Variants in DPYD observed in about 807,000 individuals in gnomAD.
The protein encoded by DPYD is dihydropyrimidine dehydrogenase.
In DPYD, 109 loss-of-function variants were observed where a neutral mutation model predicts 116.2. That is an observed-to-expected ratio of 0.94 (90% CI 0.80 to 1.10). The LOEUF (loss-of-function observed/expected upper bound fraction) is 1.10. Among genes scored for constraint, DPYD ranks in the 50% least tolerant of loss-of-function variants. DPYD has a pLI of 0.00. For missense variants in DPYD, 1,302 were observed against 1,254.5 expected (o/e 1.04, Z -0.57); for synonymous variants, 440 against 432.0 (o/e 1.02, Z -0.23).
At chr1:97,096,743 C>T (rs915924055) in intron 21 of DPYD, among the ~76,000 whole-genome samples, 2 of 152,114 alleles carry the variant, frequency 1.3e-5, no homozygotes, top group African/African-American at 4.8e-5. Context: ...AGGACAAAAA[C>T]AGAATATGGG....
chr1:97,647,071 T>C (rs565890881), intron 8 of DPYD, among the ~76,000 whole-genome samples: 40 of 152,226 alleles, frequency 2.6e-4, no homozygotes, highest in African/African-American at 9.6e-4. Context: ...CTGTAGTTAT[T>C]GCCTGATTTC....
chr1:97,720,102 G>A, intron 5 of DPYD: 1 of 984,908 alleles, frequency 1.0e-6, no homozygotes, highest in East Asian at 1.1e-4. Context: ...TTAAAACCAT[G>A]TGAGAGTTTC....
intron 16 of DPYD, among the ~76,000 whole-genome samples, chr1:97,351,948 C>T (rs1670167679): frequency 1.3e-5 from 2 of 152,092 alleles, no homozygotes; most frequent in Admixed American, 1.3e-4. Context: ...TCAGCTACTG[C>T]AAGTATTACA....
intron 19 of DPYD, among the ~76,000 whole-genome samples, chr1:97,214,245 T>G (rs1464087002): frequency 6.6e-6 from 1 of 152,154 alleles, no homozygotes; most frequent in East Asian, 1.9e-4. Context: ...GGTTATGATA[T>G]GGTAAAACTA....
intron 2 of DPYD, among the ~76,000 whole-genome samples, chr1:97,832,045 T>TTGTGTGTGTGTG (rs35795641): frequency 0.024 from 3,251 of 133,952 alleles, 69 homozygotes; most frequent in East Asian, 0.05. Context: ...ATATAATGTA[T>TTGTGTGTGTGTG]TGTGTGTGTG....
intron 20 of DPYD, among the ~76,000 whole-genome samples, chr1:97,113,854 T>A (rs1450275101): frequency 2.6e-5 from 4 of 152,120 alleles, no homozygotes; most frequent in Non-Finnish European, 5.9e-5. Flanking sequence ...CTTGACGATA[T>A]AATCAATTGT....
chr1:97,533,091 GT>G (rs1394520681), intron 12 of DPYD, among the ~76,000 whole-genome samples: 1 of 151,086 alleles, frequency 6.6e-6, no homozygotes, highest in African/African-American at 2.4e-5. Context: ...TTGTGTTTTT[GT>G]TTTAGTTTGT....
intron 3 of DPYD, among the ~76,000 whole-genome samples, chr1:97,751,454 GTGTGTGTA>G (rs1264619273): frequency 7.5e-4 from 22 of 29,406 alleles, no homozygotes; most frequent in African/African-American, 2.2e-3. Flanking sequence ...GTGTGTGTGT[GTGTGTGTA>G]TATATATATA....
chr1:97,873,906 G>C (rs889555993), intron 2 of DPYD, among the ~76,000 whole-genome samples: 1 of 151,776 alleles, frequency 6.6e-6, no homozygotes, highest in African/African-American at 2.4e-5. Context: ...ACATTCTCGT[G>C]GGGAGAAAAT....
At chr1:97,332,876 C>A (rs1395065057) in intron 16 of DPYD, among the ~76,000 whole-genome samples, 1 of 152,114 alleles carries the variant, frequency 6.6e-6, no homozygotes, top group African/African-American at 2.4e-5. Context: ...ATATGTAATT[C>A]TGTAAGAAAC....
At chr1:97,327,914 C>A (rs1668788627) in intron 16 of DPYD, among the ~76,000 whole-genome samples, 1 of 152,028 alleles carries the variant, frequency 6.6e-6, no homozygotes, top group Non-Finnish European at 1.5e-5. Flanking sequence ...TTACAAAAAG[C>A]AAATACATAA....
intron 10 of DPYD, among the ~76,000 whole-genome samples, chr1:97,589,478 G>T (rs1325414275): frequency 1.3e-5 from 2 of 152,174 alleles, no homozygotes; most frequent in African/African-American, 4.8e-5. Flanking sequence ...TGAAGAAGGT[G>T]CCTTGCTTTC....
At chr1:97,883,224 G>C (rs760604150) in intron 2 of DPYD, 40 bp downstream of exon 2, 3 of 1,376,248 alleles carry the variant, frequency 2.2e-6, no homozygotes, top group South Asian at 2.3e-5. Context: ...TGTGGAGTGA[G>C]GTAATTTTCA....
intron 1 of DPYD, 25 bp downstream of exon 1, chr1:97,920,859 C>A: frequency 1.3e-6 from 2 of 1,583,748 alleles, no homozygotes; most frequent in Non-Finnish European, 1.7e-6. Flanking sequence ...CCGCCACCAC[C>A]GACGAGCCGG....
At chr1:97,234,451 G>A (rs1262316175) in intron 19 of DPYD, among the ~76,000 whole-genome samples, 4 of 152,036 alleles carry the variant, frequency 2.6e-5, no homozygotes, top group Non-Finnish European at 4.4e-5. Flanking sequence ...TGGCTGCCAG[G>A]AATCTCAGGA....
chr1:97,444,573 A>G lies in DPYD; in HGVS notation c.1905+5486T>C, dbSNP rs187728591. On this transcript the variant is annotated intron_variant, in intron 14 of 22. Coordinates refer to ENST00000370192, the MANE Select transcript of DPYD (RefSeq NM_000110.4). Reference sequence around the variant, plus strand: ...GTAGAATCAATTGATGAACTTTACAAAAAATACACACACATATGTATATAC... The same window carrying G: ...GTAGAATCAATTGATGAACTTTACAGAAAATACACACACATATGTATATAC... Among the ~76,000 whole-genome samples the G allele has an allele frequency of 2.9e-3, 447 of 152,310 alleles. 2 individuals carry two copies. The highest frequency in any genetic ancestry group is 0.01 in the African/African-American group (418 of 41,572).
chr1:97,232,649 A>G (rs1211141506), intron 19 of DPYD, among the ~76,000 whole-genome samples: 1 of 151,484 alleles, frequency 6.6e-6, no homozygotes, highest in African/African-American at 2.4e-5. Context: ...CTATTGCTCT[A>G]TCTTCTAGTT....
chr1:97,882,645 C>A (rs1485572265), intron 2 of DPYD, among the ~76,000 whole-genome samples: 1 of 151,948 alleles, frequency 6.6e-6, no homozygotes, highest in Non-Finnish European at 1.5e-5. Flanking sequence ...GTACTTATAT[C>A]CGATCTATGG....
intron 16 of DPYD, among the ~76,000 whole-genome samples, chr1:97,342,912 T>G (rs1353213579): frequency 1.3e-5 from 2 of 152,150 alleles, no homozygotes; most frequent in Non-Finnish European, 2.9e-5. Flanking sequence ...ACAATTCAAT[T>G]TATTTTTATG....
Sources: allele counts gnomAD v4.1 joint callset (sites outside exome capture counted in the v4.1 genomes callset), GRCh38; gene constraint gnomAD v4.1.1; transcripts MANE v1.5; gene names NCBI Gene and HGNC (gene_info 2026-07-23, HGNC 2026-07-21).